Variants in PTPRD observed in about 807,000 individuals in gnomAD.
PTPRD encodes protein tyrosine phosphatase receptor type D, also known as receptor-type tyrosine-protein phosphatase delta.
A neutral mutation model predicts 214.5 loss-of-function variants in PTPRD; 34 were observed. The ratio of observed to expected loss-of-function variants is 0.16; its 90% confidence interval spans 0.12 to 0.21. PTPRD has a LOEUF of 0.21. Among genes scored for constraint, PTPRD ranks in the 10% least tolerant of loss-of-function variants. The pLI is 1.00. For missense variants in PTPRD, 2,545 were observed against 2,398.7 expected (o/e 1.06, Z -1.27); for synonymous variants, 1,128 against 845.7 (o/e 1.33, Z -5.79).
chr9:10,386,039 T>C (rs1260018433), intron 2 of PTPRD, among the ~76,000 whole-genome samples: 1 of 151,858 alleles, frequency 6.6e-6, no homozygotes, highest in East Asian at 1.9e-4. Context: ...AATAAAAATA[T>C]ACTGACCCAA....
At chr9:9,961,426 T>A (rs1016846046) in intron 4 of PTPRD, among the ~76,000 whole-genome samples, 1 of 152,142 alleles carries the variant, frequency 6.6e-6, no homozygotes, top group Non-Finnish European at 1.5e-5. Context: ...CTATGGACCT[T>A]TTGTTTTGAA....
chr9:9,324,523 T>G (rs2136172085), intron 9 of PTPRD, among the ~76,000 whole-genome samples: 1 of 152,338 alleles, frequency 6.6e-6, no homozygotes, highest in East Asian at 1.9e-4. Flanking sequence ...CTTTGCCCAC[T>G]TTTTGATGGG....
At position 9,448,352 on chromosome 9, in the gene PTPRD, T is replaced by C. The variant is rs114776616; in HGVS notation, c.-236-50870A>G. On this transcript the variant is annotated intron_variant, in intron 8 of 45. Coordinates refer to ENST00000381196, the MANE Select transcript of PTPRD (RefSeq NM_002839.4). ...GTGTCGAGGGTGAGAGGTGATTGGATCATGGTGTCAGTTTCCCCCATGCTG... is the reference window on the plus strand; with the variant it reads ...GTGTCGAGGGTGAGAGGTGATTGGACCATGGTGTCAGTTTCCCCCATGCTG... 3.6e-3 allele frequency among the ~76,000 whole-genome samples: 540 copies of C among 152,066 alleles called. 3 individuals are homozygous for C. The highest frequency in any genetic ancestry group is 0.012 in the African/African-American group (512 of 41,510).
intron 3 of PTPRD, among the ~76,000 whole-genome samples, chr9:10,307,193 C>A (rs763633808): frequency 2.2e-4 from 30 of 139,260 alleles, no homozygotes; most frequent in Non-Finnish European, 4.0e-4. Context: ...TATGTTTTTA[C>A]CAATTAAATA....
chr9:9,204,532 G>A (rs1250231871), intron 9 of PTPRD, among the ~76,000 whole-genome samples: 1 of 152,130 alleles, frequency 6.6e-6, no homozygotes. Flanking sequence ...GAACACTCAC[G>A]AGTCCTTTGC....
intron 6 of PTPRD, among the ~76,000 whole-genome samples, chr9:9,740,528 T>A (rs1268776886): frequency 6.6e-6 from 1 of 151,894 alleles, no homozygotes; most frequent in African/African-American, 2.4e-5. Flanking sequence ...CGGCTAATTT[T>A]TTTTGTGTAT....
chr9:10,386,058 A>C (rs2097908776), intron 2 of PTPRD, among the ~76,000 whole-genome samples: 1 of 151,714 alleles, frequency 6.6e-6, no homozygotes, highest in Admixed American at 6.6e-5. Context: ...AATTTTTCGA[A>C]CTGTTTTTAA....
intron 14 of PTPRD, among the ~76,000 whole-genome samples, chr9:8,531,557 T>C (rs757678360): frequency 3.9e-5 from 6 of 152,132 alleles, no homozygotes; most frequent in Non-Finnish European, 7.4e-5. Context: ...CTCTTAGATT[T>C]TGTTGTTGTT....
intron 11 of PTPRD, among the ~76,000 whole-genome samples, chr9:8,796,937 T>G (rs550667558): frequency 3.3e-5 from 5 of 150,124 alleles, no homozygotes; most frequent in East Asian, 1.9e-4. Flanking sequence ...AAAATTTTTG[T>G]TTTTTTTCTA....
chr9:8,647,647 T>G (rs1194739124), intron 12 of PTPRD, among the ~76,000 whole-genome samples: 1 of 152,212 alleles, frequency 6.6e-6, no homozygotes, highest in African/African-American at 2.4e-5. Context: ...TACTCCTACA[T>G]GTAAAATTAC....
chr9:9,891,733 A>G (rs2073411163), intron 5 of PTPRD, among the ~76,000 whole-genome samples: 1 of 152,136 alleles, frequency 6.6e-6, no homozygotes, highest in Non-Finnish European at 1.5e-5. Context: ...ATGTTTTAAG[A>G]ATAGTATGAC....
chr9:8,850,932 AT>A (rs1326997118), intron 11 of PTPRD, among the ~76,000 whole-genome samples: 2 of 152,214 alleles, frequency 1.3e-5, no homozygotes, highest in Non-Finnish European at 2.9e-5. Flanking sequence ...CATTGAAAAC[AT>A]ATGTCTTGTT....
Position 9,163,530 on chromosome 9 carries a change from A to AT in PTPRD, c.-143+19773dup, listed in dbSNP as rs546698145. On this transcript the variant is annotated intron_variant, in intron 10 of 45. Transcript: ENST00000381196. ...ACCGAGATCCAAGCCAATACTATGT[A>AT]TTTTTTCTCCTCATTGGTTGCCATC... Among the ~76,000 whole-genome samples, 138 of 151,658 alleles carry AT rather than the reference A, an allele frequency of 9.1e-4. 1 individual carries two copies. The highest frequency in any genetic ancestry group is 1.5e-3 in the Non-Finnish European group (103 of 67,878).
chr9:8,595,820 T>C (rs371435584), intron 14 of PTPRD, among the ~76,000 whole-genome samples: 17 of 152,182 alleles, frequency 1.1e-4, no homozygotes, highest in African/African-American at 3.4e-4. Flanking sequence ...GTAATCCATG[T>C]GTGTTGACTT....
intron 8 of PTPRD, among the ~76,000 whole-genome samples, chr9:9,567,369 G>A (rs893692883): frequency 6.6e-6 from 1 of 151,912 alleles, no homozygotes; most frequent in African/African-American, 2.4e-5. Context: ...TGGTAACAGA[G>A]CAGCAAAACT....
chr9:9,817,543 A>T (rs925961218), intron 5 of PTPRD, among the ~76,000 whole-genome samples: 2 of 152,152 alleles, frequency 1.3e-5, no homozygotes, highest in African/African-American at 2.4e-5. Flanking sequence ...CATCCTGTCA[A>T]GTTTACTTTT....
intron 2 of PTPRD, among the ~76,000 whole-genome samples, chr9:10,592,537 G>A (rs918166705): frequency 3.3e-5 from 5 of 151,854 alleles, no homozygotes; most frequent in Non-Finnish European, 7.4e-5. Flanking sequence ...GCCAAGCAGT[G>A]GTTCAATATG....
At chr9:9,962,465 A>T (rs1361778510) in intron 4 of PTPRD, among the ~76,000 whole-genome samples, 1 of 152,062 alleles carries the variant, frequency 6.6e-6, no homozygotes, top group Non-Finnish European at 1.5e-5. Context: ...CCTTATATAA[A>T]TGTTCTCACT....
intron 12 of PTPRD, among the ~76,000 whole-genome samples, chr9:8,656,833 C>T (rs1011524003): frequency 6.6e-6 from 1 of 152,192 alleles, no homozygotes; most frequent in Non-Finnish European, 1.5e-5. Context: ...ATGAGGATGT[C>T]AGTGACAAAC....
Sources: allele counts gnomAD v4.1 joint callset (sites outside exome capture counted in the v4.1 genomes callset), GRCh38; gene constraint gnomAD v4.1.1; transcripts MANE v1.5; gene names NCBI Gene and HGNC (gene_info 2026-07-23, HGNC 2026-07-21).